Variants in PCDHA2 observed in about 807,000 individuals in gnomAD.
PCDHA2 encodes the protein protocadherin alpha-2.
In PCDHA2, 58 loss-of-function variants were observed where a neutral mutation model predicts 66.0. The ratio of observed to expected loss-of-function variants is 0.88; its 90% CI spans 0.71 to 1.09. The LOEUF (loss-of-function observed/expected upper bound fraction) is 1.09. PCDHA2 is among the 50% of genes least tolerant of loss of function. The probability of loss-of-function intolerance (pLI) is 0.00; values close to 1 mark genes in which losing one functional copy is unlikely to be tolerated. For synonymous variants in PCDHA2, 634 were observed against 554.0 expected (o/e 1.14, Z -2.03); for missense variants, 1,267 against 1,242.3 (o/e 1.02, Z -0.30).
At chr5:140,877,729 C>G (rs1554170045) in intron 1 of PCDHA2, 2 of 1,614,168 alleles carry the variant, frequency 1.2e-6, no homozygotes, top group South Asian at 2.2e-5. Context: ...TTACTCGCAG[C>G]AGAGGAGGCA....
intron 1 of PCDHA2, chr5:140,927,497 T>A: frequency 6.2e-7 from 1 of 1,614,094 alleles, no homozygotes; most frequent in Non-Finnish European, 8.5e-7. Flanking sequence ...CACCTGCTGG[T>A]GCTTACAGCT....
intron 1 of PCDHA2, among the ~76,000 whole-genome samples, chr5:140,959,188 G>A (rs782018838): frequency 6.6e-6 from 1 of 151,982 alleles, no homozygotes; most frequent in Non-Finnish European, 1.5e-5. Context: ...ACCAGTCTGG[G>A]CAACATGGTG....
intron 1 of PCDHA2, among the ~76,000 whole-genome samples, chr5:140,917,338 G>GGGGGGGGTGGGT (rs2078134893): frequency 7.3e-6 from 1 of 137,894 alleles, no homozygotes; most frequent in Non-Finnish European, 1.6e-5. Flanking sequence ...GGAGGGGGGG[G>GGGGGGGGTGGGT]ATGGTGTAGG....
At chr5:140,935,203 A>G (rs1403808889) in intron 1 of PCDHA2, among the ~76,000 whole-genome samples, 1 of 152,160 alleles carries the variant, frequency 6.6e-6, no homozygotes, top group Non-Finnish European at 1.5e-5. Flanking sequence ...GTTTCTAGGT[A>G]TCTTCAGCTA....
intron 1 of PCDHA2, among the ~76,000 whole-genome samples, chr5:140,798,154 G>A (rs1554120591): frequency 1.3e-5 from 2 of 152,178 alleles, no homozygotes. Context: ...TTACAGGAGT[G>A]AGCCACTGCA....
chr5:140,897,540 A>C (rs1554187435), intron 1 of PCDHA2, among the ~76,000 whole-genome samples: 1 of 152,052 alleles, frequency 6.6e-6, no homozygotes, highest in Non-Finnish European at 1.5e-5. Flanking sequence ...ATGGCTGCAT[A>C]GTCTTCCATG....
chr5:140,982,611 T>G, intron 3 of PCDHA2, 48 bp downstream of exon 3: 2 of 1,600,048 alleles, frequency 1.2e-6, no homozygotes, highest in South Asian at 2.2e-5. Flanking sequence ...TGGAAAGTGA[T>G]CAGATGACCT....
chr5:140,868,090 T>C (rs2050270367), intron 1 of PCDHA2: 2 of 152,144 alleles, frequency 1.3e-5, no homozygotes, highest in Non-Finnish European at 2.9e-5. Flanking sequence ...TTTTATAAAA[T>C]GATAATAAAA....
At chr5:140,876,956 T>A in intron 1 of PCDHA2, 1 of 1,613,342 alleles carries the variant, frequency 6.2e-7, no homozygotes, top group Non-Finnish European at 8.5e-7. Flanking sequence ...TACTCGCTGG[T>A]GGAGCGGCGG....
rs2091506714 is a variant in PCDHA2, at chr5:140,937,376, G to C, written c.2389-41573G>C. Reference sequence around the variant, plus strand: ...TATTATTTTATCTTAATGTTTATGTGTGTGTATGTGTATATAGGGGTATTG... The same window carrying C: ...TATTATTTTATCTTAATGTTTATGTCTGTGTATGTGTATATAGGGGTATTG... On this transcript the variant is annotated intron_variant, in intron 1 of 3. Coordinates refer to ENST00000526136, the MANE Select transcript of PCDHA2 (RefSeq NM_018905.3). Among the ~76,000 whole-genome samples, 4 of 152,084 alleles carry C rather than the reference G, an allele frequency of 2.6e-5. No homozygotes were observed. In the South Asian group the frequency reaches 8.3e-4, roughly 32 times the overall value.
intron 1 of PCDHA2, chr5:140,870,941 C>T: frequency 6.2e-7 from 1 of 1,613,712 alleles, no homozygotes; most frequent in Non-Finnish European, 8.5e-7. Context: ...TTGCAGCCGG[C>T]GGCGGGCGGC....
chr5:140,944,097 A>G lies in PCDHA2; in HGVS notation c.2389-34852A>G, dbSNP rs2093609741. On this transcript the variant is annotated intron_variant, in intron 1 of 3. Coordinates refer to ENST00000526136, the MANE Select transcript of PCDHA2 (RefSeq NM_018905.3). ...ATAAAGGAGGCCTGAGTAAGTTTAT[A>G]TCTCATGGGAAAATGGTACCAGAGA... is the stretch of plus-strand genomic sequence containing the variant. Among the ~76,000 whole-genome samples, 3 of 152,244 alleles carry G rather than the reference A, an allele frequency of 2.0e-5. No individual in the cohort carries two copies. In the South Asian group the frequency reaches 6.2e-4, roughly 31 times the overall value.
At chr5:140,809,195 G>T (rs1435429734) in intron 1 of PCDHA2, 1 of 1,614,064 alleles carries the variant, frequency 6.2e-7, no homozygotes, top group East Asian at 2.2e-5. Context: ...GGTGTCACTT[G>T]TGGAGAGTGG....
chr5:140,972,322 T>C (rs2096531924), intron 1 of PCDHA2, among the ~76,000 whole-genome samples: 1 of 151,968 alleles, frequency 6.6e-6, no homozygotes, highest in African/African-American at 2.4e-5. Context: ...AGGTGTTTTT[T>C]TTTTTTGGAA....
chr5:140,805,907 T>C (rs1763650947), intron 1 of PCDHA2, among the ~76,000 whole-genome samples: 1 of 152,192 alleles, frequency 6.6e-6, no homozygotes, highest in South Asian at 2.1e-4. Flanking sequence ...TTCTGCAGGG[T>C]AAATATTTAG....
chr5:140,836,092 T>C, intron 1 of PCDHA2: 2 of 1,613,516 alleles, frequency 1.2e-6, no homozygotes, highest in South Asian at 1.1e-5. Context: ...GCGCCTCGGG[T>C]GGGTGGCACT....
Position 140,936,624 on chromosome 5 carries a change from C to T in PCDHA2, c.2389-42325C>T, listed in dbSNP as rs186958884. On this transcript the variant is annotated intron_variant, in intron 1 of 3. Coordinates refer to ENST00000526136, the MANE Select transcript of PCDHA2 (RefSeq NM_018905.3). Reference sequence around the variant, plus strand: ...TCCTCGCTGCTACTGTGCAGTGCTACCTTTGTCATAAGCAACGTGACTTTA... The same window carrying T: ...TCCTCGCTGCTACTGTGCAGTGCTATCTTTGTCATAAGCAACGTGACTTTA... 2.3e-3 allele frequency among the ~76,000 whole-genome samples: 345 copies of T among 152,302 alleles called. 2 individuals are homozygous for T. Among genetic ancestry groups the T allele is most frequent in the South Asian group, 2.5e-3 (12 of 4,824 alleles).
intron 1 of PCDHA2, chr5:140,821,980 G>A (rs1554128359): frequency 9.3e-6 from 15 of 1,614,138 alleles, no homozygotes; most frequent in South Asian, 4.4e-5. Context: ...GGCGTCCAAG[G>A]GCCGCGGGGA....
At chr5:140,857,095 G>T (rs1253933979) in intron 1 of PCDHA2, 2 of 1,597,378 alleles carry the variant, frequency 1.3e-6, no homozygotes, top group Admixed American at 1.7e-5. Context: ...CACCTGAGGT[G>T]ATTGTCACTT....
Sources: gnomAD v4.1 joint callset for allele counts (sites outside exome capture counted in the v4.1 genomes callset) on GRCh38, gnomAD v4.1.1 for gene constraint, MANE v1.5 for transcripts, NCBI Gene and HGNC (gene_info 2026-07-23, HGNC 2026-07-21) for gene names.